Variants in CDC14A observed in about 807,000 individuals in gnomAD.
The protein encoded by CDC14A is dual specificity protein phosphatase CDC14A.
CDC14A carries 53 observed loss-of-function variants against 74.4 expected under a neutral mutation model. That is an observed-to-expected ratio of 0.71 (90% confidence interval 0.57 to 0.89). CDC14A has a LOEUF of 0.89. Among genes scored for constraint, CDC14A ranks in the 40% least tolerant of loss-of-function variants. The probability of loss-of-function intolerance (pLI) is 0.00; values close to 1 mark genes in which losing one functional copy is unlikely to be tolerated. For missense variants in CDC14A, 646 were observed against 713.7 expected, an observed-to-expected ratio of 0.91 and a Z score of 1.08; for synonymous variants, 247 against 258.4, an observed-to-expected ratio of 0.96 and a Z score of 0.43.
chr1:100,480,666 T>G (rs530850825), intron 10 of CDC14A, among the ~76,000 whole-genome samples: 4 of 152,318 alleles, frequency 2.6e-5, no homozygotes, highest in African/African-American at 7.2e-5. Flanking sequence ...TGGTTTTTGT[T>G]TATTTTGTTT....
intron 10 of CDC14A, among the ~76,000 whole-genome samples, chr1:100,476,713 T>C (rs1381735054): frequency 1.3e-5 from 2 of 152,202 alleles, no homozygotes. Flanking sequence ...TATTGCCTTA[T>C]ATTTTAAGGT....
chr1:100,353,664 G>C (rs1271864255), intron 1 of CDC14A, 98 bp from the exon 2 acceptor site: 1 of 670,238 alleles, frequency 1.5e-6, no homozygotes, highest in East Asian at 2.7e-5. Flanking sequence ...GTGTTAATGG[G>C]GTCTTTAAAT....
chr1:100,510,917 T>C (rs1219680013), intron 15 of CDC14A, among the ~76,000 whole-genome samples: 2 of 152,234 alleles, frequency 1.3e-5, no homozygotes, highest in Non-Finnish European at 2.9e-5. Context: ...CAGAGCCAGC[T>C]GACCCTGCTT....
chr1:100,412,702 A>ATATATATATATATATATATTT (rs1660883964), intron 4 of CDC14A, among the ~76,000 whole-genome samples: 2 of 96,130 alleles, frequency 2.1e-5, no homozygotes, highest in Admixed American at 1.1e-4. Context: ...TGTTTTATAT[A>ATATATATATATATATATATTT]TATATATATA....
At chr1:100,445,422 C>T (rs1480255002) in intron 7 of CDC14A, among the ~76,000 whole-genome samples, 1 of 152,116 alleles carries the variant, frequency 6.6e-6, no homozygotes, top group Non-Finnish European at 1.5e-5. Context: ...CCCACCAAAA[C>T]CTGGATCTCT....
At chr1:100,420,082 A>AGT (rs1553180579) in intron 4 of CDC14A, among the ~76,000 whole-genome samples, 1 of 105,526 alleles carries the variant, frequency 9.5e-6, no homozygotes, top group African/African-American at 3.3e-5. Context: ...ATATATATAT[A>AGT]GTGTGTATGT....
At chr1:100,350,922 G>A (rs1458874838), upstream of CDC14A, among the ~76,000 whole-genome samples, 1 of 152,068 alleles carries the variant, frequency 6.6e-6, no homozygotes, top group East Asian at 1.9e-4. Flanking sequence ...GGCCTGGCGC[G>A]GTGGCTCAGC....
At chr1:100,351,973 A>AGTGTGTGTGTGTGT (rs35169146), upstream of CDC14A, among the ~76,000 whole-genome samples, 3 of 146,070 alleles carry the variant, frequency 2.1e-5, no homozygotes, top group African/African-American at 5.0e-5. Context: ...GGTTTTTACG[A>AGTGTGTGTGTGTGT]GTGTGTGTGT....
intron 9 of CDC14A, among the ~76,000 whole-genome samples, chr1:100,465,225 A>T (rs1667684114): frequency 6.6e-6 from 1 of 152,086 alleles, no homozygotes; most frequent in African/African-American, 2.4e-5. Context: ...AGCCTCCCAA[A>T]GTGCGGGGAT....
chr1:100,379,537 G>A (rs17122347), intron 3 of CDC14A, among the ~76,000 whole-genome samples: 2,321 of 152,298 alleles, frequency 0.015, 63 homozygotes, highest in African/African-American at 0.053. Flanking sequence ...TACTGTACCA[G>A]TCCAAAGTTG....
At chr1:100,459,099 A>G (rs1045080092) in intron 8 of CDC14A, among the ~76,000 whole-genome samples, 17 of 120,174 alleles carry the variant, frequency 1.4e-4, no homozygotes, top group East Asian at 2.6e-4. Context: ...ACACACACAC[A>G]CGCACACACA....
At chr1:100,513,712 G>A (rs986003821) in intron 15 of CDC14A, among the ~76,000 whole-genome samples, 1 of 151,872 alleles carries the variant, frequency 6.6e-6, no homozygotes, top group African/African-American at 2.4e-5. Context: ...TAGGTAACTG[G>A]GCTGTTTAAA....
intron 13 of CDC14A, 41 bp from the exon 14 acceptor site, chr1:100,498,044 G>A (rs1026889512): frequency 1.3e-6 from 2 of 1,590,264 alleles, no homozygotes; most frequent in Non-Finnish European, 1.7e-6. Context: ...TTTAAGATAA[G>A]ACTACTTTAT....
intron 13 of CDC14A, among the ~76,000 whole-genome samples, chr1:100,496,535 G>A (rs941999300): frequency 4.6e-5 from 7 of 152,088 alleles, no homozygotes; most frequent in Non-Finnish European, 7.3e-5. Flanking sequence ...TGAAACCTCC[G>A]GGAGTGGTAC....
intron 5 of CDC14A, among the ~76,000 whole-genome samples, chr1:100,426,519 T>C (rs1662981406): frequency 6.6e-6 from 1 of 152,212 alleles, no homozygotes; most frequent in Non-Finnish European, 1.5e-5. Flanking sequence ...ATACTAAATT[T>C]ATAGCCTATT....
At chr1:100,498,812 A>G in intron 14 of CDC14A, 117 bp from the exon 15 acceptor site, 1 of 1,356,156 alleles carries the variant, frequency 7.4e-7, no homozygotes, top group Non-Finnish European at 9.8e-7. Flanking sequence ...CACATTGATC[A>G]GATTCATCTT....
upstream of CDC14A, chr1:100,351,663 C>A: frequency 2.2e-6 from 3 of 1,338,262 alleles, no homozygotes; most frequent in Non-Finnish European, 3.1e-6. Context: ...GGTCTCGCCC[C>A]GCCCCTCCGG....
At chr1:100,494,329 T>C (rs1647450857) in intron 11 of CDC14A, among the ~76,000 whole-genome samples, 1 of 152,234 alleles carries the variant, frequency 6.6e-6, no homozygotes, top group Non-Finnish European at 1.5e-5. Context: ...TGAAAAGGGC[T>C]TGTGTGCTTT....
At chr1:100,369,342 C>T (rs574566440) in intron 2 of CDC14A, among the ~76,000 whole-genome samples, 16 of 152,204 alleles carry the variant, frequency 1.1e-4, no homozygotes, top group East Asian at 5.8e-4. Context: ...CTCTTGACCT[C>T]GTGATCCGCC....
Sources: gnomAD v4.1 joint callset for allele counts (sites outside exome capture counted in the v4.1 genomes callset) on GRCh38, gnomAD v4.1.1 for gene constraint, MANE v1.5 for transcripts, NCBI Gene and HGNC (gene_info 2026-07-23, HGNC 2026-07-21) for gene names.